Variants in ST6GALNAC3 observed in about 807,000 individuals in gnomAD.
The protein encoded by ST6GALNAC3 is ST6 N-acetylgalactosaminide alpha-2,6-sialyltransferase 3, also known as alpha-N-acetylgalactosaminide alpha-2,6-sialyltransferase 3.
In ST6GALNAC3, 25 loss-of-function variants were observed where a neutral mutation model predicts 32.7. That is an observed-to-expected ratio of 0.76 (90% CI 0.56 to 1.07). The LOEUF (loss-of-function observed/expected upper bound fraction) is 1.07, where lower values mean the gene tolerates loss of function less well. Among genes scored for constraint, ST6GALNAC3 ranks in the 50% least tolerant of loss-of-function variants. ST6GALNAC3 has a pLI of 0.00. For synonymous variants in ST6GALNAC3, 129 were observed against 133.1 expected (o/e 0.97, Z 0.21); for missense variants, 355 against 382.4 (o/e 0.93, Z 0.60).
At chr1:76,519,912 G>A (rs984105566) in intron 3 of ST6GALNAC3, among the ~76,000 whole-genome samples, 1 of 151,018 alleles carries the variant, frequency 6.6e-6, no homozygotes, top group African/African-American at 2.4e-5. Context: ...ATGCATGCAT[G>A]CACACACACT....
intron 1 of ST6GALNAC3, among the ~76,000 whole-genome samples, chr1:76,216,588 C>A (rs911342860): frequency 2.0e-5 from 3 of 152,160 alleles, no homozygotes; most frequent in African/African-American, 7.2e-5. Context: ...GGTACAGTGA[C>A]CACTTTCAAG....
intron 1 of ST6GALNAC3, among the ~76,000 whole-genome samples, chr1:76,139,912 T>G (rs1650209905): frequency 2.0e-5 from 3 of 152,224 alleles, no homozygotes. Flanking sequence ...GGATGACACA[T>G]GAATAAGCTC....
At chr1:76,364,831 A>C (rs1197409058) in intron 2 of ST6GALNAC3, among the ~76,000 whole-genome samples, 5 of 152,182 alleles carry the variant, frequency 3.3e-5, no homozygotes, top group Non-Finnish European at 7.3e-5. Context: ...GAAAATGACA[A>C]ATGTTGGAAG....
chr1:76,576,633 T>TTTCATAAAACTAAGC (rs1646812930), intron 3 of ST6GALNAC3, among the ~76,000 whole-genome samples: 1 of 152,004 alleles, frequency 6.6e-6, no homozygotes, highest in South Asian at 2.1e-4. Flanking sequence ...TTAGAGCCTG[T>TTTCATAAAACTAAGC]CTTGTAGACT....
intron 3 of ST6GALNAC3, among the ~76,000 whole-genome samples, chr1:76,429,693 G>T (rs867188064): frequency 1.3e-5 from 2 of 152,092 alleles, no homozygotes. Flanking sequence ...AACTGCTCAG[G>T]TTTCACTTAC....
At chr1:76,188,722 A>G (rs1383973364) in intron 1 of ST6GALNAC3, among the ~76,000 whole-genome samples, 2 of 152,240 alleles carry the variant, frequency 1.3e-5, no homozygotes, top group African/African-American at 4.8e-5. Context: ...GTTATTAAGA[A>G]AACCATAAAG....
At chr1:76,334,743 A>G (rs1046308464) in intron 2 of ST6GALNAC3, among the ~76,000 whole-genome samples, 1 of 152,238 alleles carries the variant, frequency 6.6e-6, no homozygotes, top group South Asian at 2.1e-4. Context: ...TATAATTTAG[A>G]AAAGCAATTT....
chr1:76,610,601 G>T (rs893920059), intron 3 of ST6GALNAC3, among the ~76,000 whole-genome samples: 2 of 152,168 alleles, frequency 1.3e-5, no homozygotes, highest in Non-Finnish European at 2.9e-5. Flanking sequence ...AGAATCCCAA[G>T]AAGAGGTGAA....
At chr1:76,248,461 T>G (rs1273036590) in intron 1 of ST6GALNAC3, among the ~76,000 whole-genome samples, 1 of 152,156 alleles carries the variant, frequency 6.6e-6, no homozygotes. Flanking sequence ...ATGAGGAAAA[T>G]GGGTTCAAGT....
At chr1:76,566,330 T>A (rs315011) in intron 3 of ST6GALNAC3, among the ~76,000 whole-genome samples, 58,304 of 152,006 alleles carry the variant, frequency 0.38, 13,698 homozygotes, top group African/African-American at 0.67. Context: ...CTCTGCTTCT[T>A]CTCTACCTCT....
chr1:76,257,904 T>TATAAAG lies in ST6GALNAC3; in HGVS notation c.19-55901_19-55900insATAAAG, dbSNP rs1234381714. Among the ~76,000 whole-genome samples the TATAAAG allele has an allele frequency of 2.6e-5, 4 of 152,272 alleles. No homozygotes were observed. In the East Asian group the frequency reaches 7.7e-4, roughly 29 times the overall value. ...GTCAAATGGAATCTCATGTGGAATCTCGCTCTATAAAGCAGATGAAAAAAT... is the reference window on the plus strand; with the variant it reads ...GTCAAATGGAATCTCATGTGGAATCTATAAAGCGCTCTATAAAGCAGATGAAAAAAT... On this transcript the variant is annotated intron_variant, in intron 1 of 4. Coordinates refer to ENST00000328299, the MANE Select transcript of ST6GALNAC3 (RefSeq NM_152996.4).
chr1:76,632,657 TAGA>T lies in ST6GALNAC3; in HGVS notation c.*3854_*3856del, dbSNP rs1649357734. On this transcript the variant is annotated 3_prime_UTR_variant, in exon 5 of 5. Coordinates refer to ENST00000328299, the MANE Select transcript of ST6GALNAC3 (RefSeq NM_152996.4). ...GGGGACCTGCTGACCTTCCAAGAAG[TAGA>T]AGGCCATCAGAAGAAAATCACTGTT... is the stretch of plus-strand genomic sequence containing the variant. 1 of 152,066 alleles carries T rather than the reference TAGA, an allele frequency of 6.6e-6. No homozygotes were observed. The highest frequency in any genetic ancestry group is 6.6e-5 in the Admixed American group (1 of 15,252). 9.4% of individuals were successfully genotyped at this position (152,066 alleles called of 1,614,324 possible).
chr1:76,323,145 A>G (rs1372231147), intron 2 of ST6GALNAC3, among the ~76,000 whole-genome samples: 1 of 152,228 alleles, frequency 6.6e-6, no homozygotes, highest in Non-Finnish European at 1.5e-5. Context: ...ACCTGGTTCA[A>G]ATGATTTTAG....
At chr1:76,253,338 C>A (rs566479954) in intron 1 of ST6GALNAC3, among the ~76,000 whole-genome samples, 2 of 152,202 alleles carry the variant, frequency 1.3e-5, no homozygotes, top group South Asian at 2.1e-4. Flanking sequence ...TTACTGAATT[C>A]CCTCAAGTCC....
intron 3 of ST6GALNAC3, among the ~76,000 whole-genome samples, chr1:76,414,056 T>C (rs2101320712): frequency 6.6e-6 from 1 of 152,202 alleles, no homozygotes; most frequent in South Asian, 2.1e-4. Flanking sequence ...TCACATTGAC[T>C]TTTGCCGTGA....
chr1:76,467,917 G>C (rs1658749726), intron 3 of ST6GALNAC3, among the ~76,000 whole-genome samples: 2 of 152,112 alleles, frequency 1.3e-5, no homozygotes, highest in South Asian at 4.2e-4. Context: ...CAGTACTCAG[G>C]TAAGGACATT....
intron 3 of ST6GALNAC3, among the ~76,000 whole-genome samples, chr1:76,605,861 TAAAAAAAAA>T (rs1159864958): frequency 0.037 from 2,204 of 58,938 alleles, 52 homozygotes; most frequent in African/African-American, 0.12. Context: ...GGAGACTCCA[TAAAAAAAAA>T]AAAAAAAAAA....
At chr1:76,598,908 A>G (rs1401649643) in intron 3 of ST6GALNAC3, among the ~76,000 whole-genome samples, 1 of 152,204 alleles carries the variant, frequency 6.6e-6, no homozygotes, top group Non-Finnish European at 1.5e-5. Context: ...AAATCTAAAC[A>G]TGTCTAACTA....
At position 76,313,947 on chromosome 1, in the gene ST6GALNAC3, A is replaced by T. The variant is rs1156434520; in HGVS notation, c.161A>T (p.Tyr54Phe). ...GTKWIPFSYTYRRPLRTHYGY... is the reference protein window; with the variant it reads ...GTKWIPFSYTFRRPLRTHYGY... The stretch of plus-strand genomic sequence containing the variant: ...AAGTGGATACCATTCTCCTACACAT[A>T]CAGGCGGCCCCTTCGAACTCACTAT... The change falls in exon 2 of 5, where the codon TAC becomes TTC. Residue 54 changes from tyrosine (Y) to phenylalanine (F), a missense_variant. Tyr to Phe is a conservative substitution (Grantham distance 22, BLOSUM62 3). Transcript: ENST00000328299. 6.2e-7 allele frequency: 1 copy of T among 1,613,480 alleles called. No homozygotes were observed. Among genetic ancestry groups the T allele is most frequent in the Non-Finnish European group, 8.5e-7 (1 of 1,179,608 alleles).
Sources: allele counts gnomAD v4.1 joint callset (sites outside exome capture counted in the v4.1 genomes callset), GRCh38; gene constraint gnomAD v4.1.1; transcripts MANE v1.5; gene names NCBI Gene and HGNC (gene_info 2026-07-23, HGNC 2026-07-21).